The following IDH2 variants were observed in gnomAD, a reference collection of about 807,000 sequenced individuals.
IDH2 encodes the protein isocitrate dehydrogenase [NADP], mitochondrial.
In IDH2, 18 loss-of-function variants were observed where a neutral mutation model predicts 50.5. That is an observed-to-expected ratio of 0.36 (90% CI 0.25 to 0.53). The LOEUF (loss-of-function observed/expected upper bound fraction) is 0.53, where lower values mean the gene tolerates loss of function less well. Ranked by LOEUF, IDH2 falls within the 20% of genes least tolerant of loss-of-function variation. IDH2 has a pLI of 0.92. For missense variants in IDH2, 518 were observed against 610.7 expected, an observed-to-expected ratio of 0.85 and a Z score of 1.60; for synonymous variants, 280 against 239.8, an observed-to-expected ratio of 1.17 and a Z score of -1.55.
chr15:90,084,332 G>T lies in IDH2; in HGVS notation c.1293C>A (p.Phe431Leu). Residue 431 changes from phenylalanine to leucine, a missense_variant, in exon 11 of 11, where the codon TTC (phenylalanine) becomes TTA (leucine). Phe to Leu is a conservative substitution (Grantham distance 22). This residue lies in a region of IDH2 where 135 missense variants were observed against 167.6 expected (regional missense o/e 0.81). Coordinates refer to ENST00000330062, the MANE Select transcript of IDH2 (RefSeq NM_002168.4). The surrounding 1 kb of genome is among the most constrained non-coding windows in gnomAD (Gnocchi z 5.0). ...TGTCGAGGAAGTCCGTGGTGTTCAGGAAGTGCTCGTTCAGCTTCACACTGC... is the reference window on the plus strand; with the variant it reads ...TGTCGAGGAAGTCCGTGGTGTTCAGTAAGTGCTCGTTCAGCTTCACACTGC... ...GLSNVKLNEH[F>L]LNTTDFLDTI... The T allele has an allele frequency of 6.2e-7, 1 of 1,614,044 alleles. No homozygotes were observed. The highest frequency in any genetic ancestry group is 8.5e-7 in the Non-Finnish European group (1 of 1,179,978).
Position 90,083,754 on chromosome 15 carries a change from T to C in IDH2, c.*512A>G. The C allele has an allele frequency of 5.0e-6, 1 of 200,464 alleles. No homozygotes were observed. Among genetic ancestry groups the C allele is most frequent in the East Asian group, 8.3e-5 (1 of 12,042 alleles). The allele number at this position is 200,464 out of a possible 1,614,324, so 12.4% of individuals were successfully genotyped here. A position where few individuals can be genotyped will look rare whatever the true frequency, so the allele number is the denominator to read the frequency against. ...ACTGGACACAGAAACTGGATCATGC[T>C]AGAAAATTCCAGGGAACCCACAGGC... On this transcript the variant is annotated 3_prime_UTR_variant, in exon 11 of 11. Transcript: ENST00000330062.
rs1901288838 is a variant in IDH2, at chr15:90,100,069, G to T, written c.115+2207C>A. On this transcript the variant is annotated intron_variant, in intron 1 of 10. Transcript: ENST00000330062. The surrounding 1 kb of genome is among the most constrained non-coding windows in gnomAD (Gnocchi z 4.1). ...CCATCTGGTATGCATTGCCACACAG[G>T]GGCCAGTGAGTTCTTACCAGCAGCC... is the stretch of plus-strand genomic sequence containing the variant. Among the ~76,000 whole-genome samples the T allele has an allele frequency of 1.3e-5, 2 of 152,190 alleles. No homozygotes were observed. The highest frequency in any genetic ancestry group is 4.1e-4 in the South Asian group (2 of 4,824).
chr15:90,101,018 AGGTGGTGTGCTATATGGGAATCTTTGG>A (rs1901316539), intron 1 of IDH2, among the ~76,000 whole-genome samples: 1 of 151,692 alleles, frequency 6.6e-6, no homozygotes, highest in East Asian at 1.9e-4. Context: ...TTTTTGCTGA[AGGTGGTGTGCTATATGGGAATCTTTGG>A]GTCCTGGGGC....
intron 4 of IDH2, 42 bp from the exon 5 acceptor site, chr15:90,088,544 G>A (rs571255558): frequency 6.2e-7 from 1 of 1,614,216 alleles, no homozygotes; most frequent in Admixed American, 1.7e-5. Context: ...GCTCCAGTCG[G>A]GGGGTGCCCA....
rs1044346001 is a variant in IDH2, at chr15:90,088,765, A to G, written c.374-18T>C. 1.2e-6 allele frequency: 2 copies of G among 1,613,734 alleles called. No individual in the cohort carries two copies. Among genetic ancestry groups the G allele is most frequent in the Non-Finnish European group, 1.7e-6 (2 of 1,180,020 alleles). The stretch of plus-strand genomic sequence containing the variant: ...CTTGAACTCTGTGAGGACAGAGATA[A>G]TAGTGGTCCCACTGCAGCCGCCATC... On this transcript the variant is annotated intron_variant, in intron 3 of 10. Transcript: ENST00000330062.
In IDH2 at chr15:90,088,449, G is replaced by C. The variant is rs758536587; in HGVS notation, c.588C>G (p.Phe196Leu). The C allele has an allele frequency of 7.4e-6, 12 of 1,614,096 alleles. No individual in the cohort carries two copies. The highest frequency in any genetic ancestry group is 3.3e-5 in the Admixed American group (2 of 60,006). ...ADRAGTFKMV[F>L]TPKDGSGVKE... Reference sequence around the variant, plus strand: ...TGACACCACTGCCATCTTTTGGGGTGAAGACCATTTTGAAAGTGCCGGCCC... The same window carrying C: ...TGACACCACTGCCATCTTTTGGGGTCAAGACCATTTTGAAAGTGCCGGCCC... Residue 196 changes from phenylalanine (F) to leucine (L), a missense_variant, in exon 5 of 11, where the codon TTC (phenylalanine) becomes TTG (leucine). Coordinates refer to ENST00000330062, the MANE Select transcript of IDH2 (RefSeq NM_002168.4).
chr15:90,085,467 C>T lies in IDH2; in HGVS notation c.968-80G>A. The T allele has an allele frequency of 1.0e-6, 1 of 968,568 alleles. No homozygotes were observed. The highest frequency in any genetic ancestry group is 1.6e-6 in the Non-Finnish European group (1 of 621,016). 60.0% of individuals were successfully genotyped at this position (968,568 alleles called of 1,614,324 possible). On this transcript the variant is annotated intron_variant, in intron 7 of 10. Coordinates refer to ENST00000330062, the MANE Select transcript of IDH2 (RefSeq NM_002168.4). The surrounding 1 kb of genome is among the most constrained non-coding windows in gnomAD (Gnocchi z 5.5). The stretch of plus-strand genomic sequence containing the variant: ...CTGAGCCCTGCTGCCCTCTACAACC[C>T]AATATTGTAGCTGCCATAGTTCGTG...
chr15:90,087,036 A>G, intron 7 of IDH2, 76 bp downstream of exon 7: 1 of 1,532,654 alleles, frequency 6.5e-7, no homozygotes. Flanking sequence ...TTTTCTACCA[A>G]AAGGGTCTGA....
At chr15:90,096,919 A>G (rs1901198329) in intron 1 of IDH2, among the ~76,000 whole-genome samples, 1 of 152,142 alleles carries the variant, frequency 6.6e-6, no homozygotes, top group Non-Finnish European at 1.5e-5. Context: ...CCGTCTCGAA[A>G]AAAAAAAAGA....
At chr15:90,102,119 G>A (rs1901349520) in intron 1 of IDH2, among the ~76,000 whole-genome samples, 157 bp downstream of exon 1, 1 of 151,900 alleles carries the variant, frequency 6.6e-6, no homozygotes, top group Non-Finnish European at 1.5e-5. Flanking sequence ...CCGGGCGGGG[G>A]AGCGCGGAGC....
intron 7 of IDH2, 32 bp downstream of exon 7, chr15:90,087,079 AC>A (rs759133024): frequency 4.8e-5 from 77 of 1,611,832 alleles, no homozygotes; most frequent in Non-Finnish European, 6.2e-5. Flanking sequence ...CCAACAGTCC[AC>A]CCCCACAGGG....
At chr15:90,089,923 C>T (rs1482240026) in intron 3 of IDH2, among the ~76,000 whole-genome samples, 1 of 152,204 alleles carries the variant, frequency 6.6e-6, no homozygotes, top group African/African-American at 2.4e-5. Context: ...AGGAGGGCAA[C>T]AGCAATGTTC....
In IDH2 at chr15:90,084,098, A is replaced by T; in HGVS notation, c.*168T>A. On this transcript the variant is annotated 3_prime_UTR_variant, in exon 11 of 11. Transcript: ENST00000330062. The surrounding 1 kb of genome is among the most constrained non-coding windows in gnomAD (Gnocchi z 5.0). ...AAACGCACTGCTCCTGCCTCACGTCACCATGAGGGGAAACACACATATGCT... is the reference window on the plus strand; with the variant it reads ...AAACGCACTGCTCCTGCCTCACGTCTCCATGAGGGGAAACACACATATGCT... The T allele has an allele frequency of 3.2e-6, 2 of 627,384 alleles. No individual in the cohort carries two copies. Among genetic ancestry groups the T allele is most frequent in the Non-Finnish European group, 5.7e-6 (2 of 349,630 alleles). 38.9% of individuals were successfully genotyped at this position (627,384 alleles called of 1,614,324 possible). A position where few individuals can be genotyped will look rare whatever the true frequency, so the allele number is the denominator to read the frequency against.
At chr15:90,095,612 G>A (rs1466746714) in intron 1 of IDH2, among the ~76,000 whole-genome samples, 1 of 152,172 alleles carries the variant, frequency 6.6e-6, no homozygotes, top group Non-Finnish European at 1.5e-5. Context: ...TCAAGGTCAA[G>A]ATCAAAGACC....
rs1439465574 is a variant in IDH2 at position 90,084,358 on chromosome 15, A to G, written c.1272-5T>C. On this transcript the variant is annotated splice_region_variant and splice_polypyrimidine_tract_variant and intron_variant, in intron 10 of 10. Transcript: ENST00000330062. This position sits in a 1 kb window ranked among gnomAD's most constrained non-coding sequence, Gnocchi z 5.0. ...AAGTGCTCGTTCAGCTTCACACTGC[A>G]GAGAGAGCACCACTCACATCAGGGG... The G allele has an allele frequency of 1.2e-6, 2 of 1,612,952 alleles. No homozygotes were observed. The highest frequency in any genetic ancestry group is 3.3e-5 in the Admixed American group (2 of 59,922).
In IDH2 at chr15:90,084,257, C is replaced by G. The variant is rs771456529; in HGVS notation, c.*9G>C. 1 of 1,612,232 alleles carries G rather than the reference C, an allele frequency of 6.2e-7. No homozygotes were observed. The highest frequency in any genetic ancestry group is 8.5e-7 in the Non-Finnish European group (1 of 1,179,080). ...GCCCCTCCACTGCAGCCATGGGTGG[C>G]GCCTCCCCCTACTGCCTGCCCAGGG... On this transcript the variant is annotated 3_prime_UTR_variant, in exon 11 of 11. Transcript: ENST00000330062. The surrounding 1 kb of genome is among the most constrained non-coding windows in gnomAD (Gnocchi z 5.0).
rs1220662107 is a variant in IDH2 at position 90,085,297 on chromosome 15, C to T, written c.1058G>A (p.Arg353His). The T allele has an allele frequency of 3.2e-6, 5 of 1,552,548 alleles. No homozygotes were observed. The highest frequency in any genetic ancestry group is 2.0e-5 in the Admixed American group (1 of 51,062). Residue 353 changes from arginine to histidine, a missense_variant, in exon 8 of 11, where the codon CGC (arginine) becomes CAC (histidine). Transcript: ENST00000330062. This position sits in a 1 kb window ranked among gnomAD's most constrained non-coding sequence, Gnocchi z 5.5. ...EAEAAHGTVT[R>H]HYREHQKGRP... ...CACCTTCTGGTGCTCCCGATAGTGG[C>T]GGGTGACGGTCCCATGAGCGGCCTC...
chr15:90,093,411 T>A (rs1192442156), intron 1 of IDH2, among the ~76,000 whole-genome samples: 1 of 152,184 alleles, frequency 6.6e-6, no homozygotes, highest in Non-Finnish European at 1.5e-5. Flanking sequence ...CTCTCCAAGT[T>A]AACCAGTCAC....
Position 90,088,743 on chromosome 15 carries a change from G to C in IDH2, c.378C>G (p.Phe126Leu), listed in dbSNP as rs763989792. 6.2e-7 allele frequency: 1 copy of C among 1,613,988 alleles called. No homozygotes were observed. Among genetic ancestry groups the C allele is most frequent in the Admixed American group, 1.7e-5 (1 of 59,992 alleles). ...ITPDEARVEE[F>L]KLKKMWKSPN... ...GACTTTTCCACATCTTCTTCAGCTT[G>C]AACTCTGTGAGGACAGAGATAATAG... Residue 126 changes from phenylalanine to leucine, a missense_variant, in exon 4 of 11, where the codon TTC (phenylalanine) becomes TTG (leucine). This residue lies in a region of IDH2 where 68 missense variants were observed against 109.7 expected (regional missense o/e 0.62). Transcript: ENST00000330062.
Sources: allele counts gnomAD v4.1 joint callset (sites outside exome capture counted in the v4.1 genomes callset), GRCh38; gene constraint gnomAD v4.1.1; regional missense constraint gnomAD v4.1.1; non-coding constraint Gnocchi (gnomAD v3.1); transcripts MANE v1.5; gene names NCBI Gene and HGNC (gene_info 2026-07-23, HGNC 2026-07-21).